Variants in CADPS2 observed in about 807,000 individuals in gnomAD.
CADPS2 encodes the protein calcium dependent secretion activator 2.
A neutral mutation model predicts 172.5 loss-of-function variants in CADPS2; 93 were observed. The ratio of observed to expected loss-of-function variants is 0.54; its 90% CI spans 0.46 to 0.64. CADPS2 has a LOEUF of 0.64. CADPS2 is among the 30% of genes least tolerant of loss of function. CADPS2 has a pLI of 0.00. For missense variants in CADPS2, 1,420 were observed against 1,565.9 expected (o/e 0.91, Z 1.57); for synonymous variants, 546 against 555.2 (o/e 0.98, Z 0.23).
intron 7 of CADPS2, among the ~76,000 whole-genome samples, chr7:122,555,643 C>A (rs2064943439): frequency 6.6e-6 from 1 of 151,962 alleles, no homozygotes; most frequent in Non-Finnish European, 1.5e-5. Context: ...TGAAACATAT[C>A]TTCTTGTGCA....
chr7:122,681,358 G>C, intron 2 of CADPS2: 1 of 1,469,914 alleles, frequency 6.8e-7, no homozygotes, highest in South Asian at 1.1e-5. Flanking sequence ...AAAAAGGGCC[G>C]CGGCCACGTG....
intron 24 of CADPS2, among the ~76,000 whole-genome samples, chr7:122,380,636 T>C (rs2042888581): frequency 6.6e-6 from 1 of 152,114 alleles, no homozygotes; most frequent in African/African-American, 2.4e-5. Context: ...AAAGGAAGGA[T>C]AATTTTGGAG....
At chr7:122,407,262 GTA>G (rs2046764269) in intron 20 of CADPS2, among the ~76,000 whole-genome samples, 1 of 152,088 alleles carries the variant, frequency 6.6e-6, no homozygotes, top group Non-Finnish European at 1.5e-5. Flanking sequence ...GATTCATAAG[GTA>G]CAATAAAGTT....
chr7:122,708,328 G>C (rs1002766135), intron 2 of CADPS2, among the ~76,000 whole-genome samples: 1 of 151,142 alleles, frequency 6.6e-6, no homozygotes, highest in Non-Finnish European at 1.5e-5. Context: ...ATGCAAAATT[G>C]TATCTACTGA....
At chr7:122,718,776 T>A (rs1194403326) in intron 2 of CADPS2, among the ~76,000 whole-genome samples, 1 of 152,072 alleles carries the variant, frequency 6.6e-6, no homozygotes, top group Non-Finnish European at 1.5e-5. Context: ...GAGGACCAAG[T>A]TGTGAGCTCA....
chr7:122,572,422 G>A lies in CADPS2; in HGVS notation c.1335+8757C>T, dbSNP rs1024179260. ...TCAGCATCCTTCTGTATATACTGAA[G>A]ATGTGGTATTAAGGCCATGAACTCA... is the stretch of plus-strand genomic sequence containing the variant. On this transcript the variant is annotated intron_variant, in intron 7 of 29. Transcript: ENST00000449022. Among the ~76,000 whole-genome samples the A allele has an allele frequency of 2.9e-4, 44 of 152,238 alleles. 1 individual carries two copies. Among genetic ancestry groups the A allele is most frequent in the African/African-American group, 9.4e-4 (39 of 41,570 alleles).
chr7:122,470,940 C>A (rs186254016), intron 14 of CADPS2, among the ~76,000 whole-genome samples: 1 of 152,204 alleles, frequency 6.6e-6, no homozygotes, highest in East Asian at 1.9e-4. Flanking sequence ...TACATAAAAC[C>A]CATTTTCTAT....
chr7:122,401,652 A>G (rs967259818), intron 20 of CADPS2, among the ~76,000 whole-genome samples: 4 of 152,184 alleles, frequency 2.6e-5, no homozygotes, highest in Non-Finnish European at 5.9e-5. Flanking sequence ...ATTTGAATAC[A>G]TCTCTCTTTC....
chr7:122,716,536 G>A (rs888823640), intron 2 of CADPS2, among the ~76,000 whole-genome samples: 48 of 152,216 alleles, frequency 3.2e-4, no homozygotes, highest in Non-Finnish European at 5.0e-4. Context: ...TTGTAGGGTC[G>A]GGGGAGCGGG....
chr7:122,798,376 G>A (rs909464398), intron 1 of CADPS2, among the ~76,000 whole-genome samples: 1 of 152,090 alleles, frequency 6.6e-6, no homozygotes, highest in Non-Finnish European at 1.5e-5. Flanking sequence ...AGTCTAACTA[G>A]GCCATCTAAA....
intron 28 of CADPS2, among the ~76,000 whole-genome samples, chr7:122,341,173 T>G (rs962461443): frequency 1.3e-5 from 2 of 152,236 alleles, no homozygotes; most frequent in Non-Finnish European, 2.9e-5. Context: ...ACCACAGTGA[T>G]AGATATACAC....
chr7:122,816,097 T>C lies in CADPS2; in HGVS notation c.339+69902A>G, dbSNP rs1186344098. Among the ~76,000 whole-genome samples the C allele has an allele frequency of 3.3e-5, 5 of 152,182 alleles. No individual in the cohort carries two copies. The South Asian group carries it at 6.2e-4, about 19-fold the overall frequency. ...ATTAACTACAGTCACCTTATCATGC[T>C]ACTGAACATTAGATCTTATCCTTTC... On this transcript the variant is annotated intron_variant, in intron 1 of 29. Transcript: ENST00000449022.
intron 1 of CADPS2, among the ~76,000 whole-genome samples, chr7:122,809,503 C>A (rs535185912): frequency 6.6e-6 from 1 of 151,764 alleles, no homozygotes; most frequent in South Asian, 2.1e-4. Flanking sequence ...TTGCTTGAAC[C>A]CGGGAAGCAG....
rs143024731 is a variant in CADPS2, at chr7:122,520,343, G to GT, written c.1476-7029dup. 9.2e-4 allele frequency among the ~76,000 whole-genome samples: 136 copies of GT among 147,160 alleles called. 3 individuals carry two copies. The highest frequency in any genetic ancestry group is 5.0e-3 in the East Asian group (25 of 5,038). On this transcript the variant is annotated intron_variant, in intron 8 of 29. Transcript: ENST00000449022. ...ACATAGTACCCGGTTGAATGTGTGT[G>GT]TTTTTTTTTTAAGTAGATTCATATG... is the stretch of plus-strand genomic sequence containing the variant.
intron 4 of CADPS2, 119 bp from the exon 5 acceptor site, chr7:122,621,836 A>G (rs558555948): frequency 7.8e-6 from 5 of 642,818 alleles, no homozygotes; most frequent in African/African-American, 5.5e-5. Context: ...CAATATATCT[A>G]TCCTACTTGA....
chr7:122,821,197 C>A (rs1284422660), intron 1 of CADPS2, among the ~76,000 whole-genome samples: 1 of 152,042 alleles, frequency 6.6e-6, no homozygotes, highest in African/African-American at 2.4e-5. Context: ...AAATTTGCTT[C>A]TTTCCTGTTC....
At chr7:122,340,068 T>C (rs1188892947) in intron 28 of CADPS2, among the ~76,000 whole-genome samples, 1 of 152,196 alleles carries the variant, frequency 6.6e-6, no homozygotes, top group Non-Finnish European at 1.5e-5. Context: ...TATAGGTCAA[T>C]TTTACTCAAA....
Position 122,495,789 on chromosome 7 carries a change from T to A in CADPS2, c.1543-4369A>T, listed in dbSNP as rs562327093. ...TGGTATATGAGCACTCCAGATATAATATTAATACATCTTTACCAAGCTTGG... is the reference window on the plus strand; with the variant it reads ...TGGTATATGAGCACTCCAGATATAAAATTAATACATCTTTACCAAGCTTGG... On this transcript the variant is annotated intron_variant, in intron 9 of 29. Coordinates refer to ENST00000449022, the MANE Select transcript of CADPS2 (RefSeq NM_017954.11). Among the ~76,000 whole-genome samples, 20 of 152,302 alleles carry A rather than the reference T, an allele frequency of 1.3e-4. No homozygotes were observed. The South Asian group carries it at 3.9e-3, about 30-fold the overall frequency.
chr7:122,366,610 TACACACAC>T (rs200926726), intron 25 of CADPS2, among the ~76,000 whole-genome samples: 1,500 of 126,202 alleles, frequency 0.012, 30 homozygotes, highest in African/African-American at 0.038. Context: ...ATCTCAAAAA[TACACACAC>T]ACACACACAC....
Sources: gnomAD v4.1 joint callset for allele counts (sites outside exome capture counted in the v4.1 genomes callset) on GRCh38, gnomAD v4.1.1 for gene constraint, MANE v1.5 for transcripts, NCBI Gene and HGNC (gene_info 2026-07-23, HGNC 2026-07-21) for gene names.